Variants in VPS45 observed in about 807,000 individuals in gnomAD.
VPS45 encodes the protein vacuolar protein sorting-associated protein 45.
In VPS45, 35 loss-of-function variants were observed where a neutral mutation model predicts 75.9. That is an observed-to-expected ratio of 0.46 (90% CI 0.35 to 0.61). The LOEUF is 0.61. VPS45 is among the 20% of genes least tolerant of loss of function. VPS45 has a pLI of 0.00. For synonymous variants in VPS45, 220 were observed against 238.2 expected (o/e 0.92, Z 0.70); for missense variants, 559 against 685.9 (o/e 0.81, Z 2.07).
chr1:150,104,416 G>C (rs1348044645), intron 13 of VPS45, among the ~76,000 whole-genome samples: 1 of 151,982 alleles, frequency 6.6e-6, no homozygotes, highest in Non-Finnish European at 1.5e-5. Flanking sequence ...GTCCACTATT[G>C]GTGGATACTT....
chr1:150,117,547 G>A (rs1362384916), intron 14 of VPS45, among the ~76,000 whole-genome samples: 6 of 145,330 alleles, frequency 4.1e-5, no homozygotes, highest in Non-Finnish European at 6.1e-5. Context: ...AAATAAATAA[G>A]TAAAAATAAA....
chr1:150,126,822 C>T (rs1321462016), intron 14 of VPS45, among the ~76,000 whole-genome samples: 1 of 152,088 alleles, frequency 6.6e-6, no homozygotes, highest in African/African-American at 2.4e-5. Context: ...TAAAATTAGC[C>T]AGGCATCATG....
At position 150,067,817 on chromosome 1, in the gene VPS45, GGGGGC is replaced by G. The variant is rs2101472017; in HGVS notation, c.-37_-33del. 4 of 1,598,726 alleles carry G rather than the reference GGGGGC, an allele frequency of 2.5e-6. No individual in the cohort carries two copies. In the East Asian group the frequency reaches 8.9e-5, roughly 36 times the overall value. ...ACTGGGGGTTAATTTAGCCAGAAAA[GGGGGC>G]GGGAAGGGCTGTAGGGTACTTGTCA... On this transcript the variant is annotated 5_prime_UTR_variant, in exon 1 of 15. Transcript: ENST00000644510.
At chr1:150,136,487 G>A (rs928321548) in intron 14 of VPS45, among the ~76,000 whole-genome samples, 26 of 150,714 alleles carry the variant, frequency 1.7e-4, no homozygotes, top group African/African-American at 6.3e-4. Flanking sequence ...CTCAGGAGGT[G>A]GAGGTTGCAG....
Position 150,067,847 on chromosome 1 carries a change from A to G in VPS45, c.-11A>G, listed in dbSNP as rs1295284418. The G allele has an allele frequency of 8.1e-6, 13 of 1,613,946 alleles. No homozygotes were observed. The East Asian group carries it at 2.7e-4, about 33-fold the overall frequency. ...CGGGAAGGGCTGTAGGGTACTTGTC[A>G]ATTCGCCGCCATGAACGTGGTTTTT... On this transcript the variant is annotated 5_prime_UTR_variant, in exon 1 of 15. Transcript: ENST00000644510.
intron 13 of VPS45, among the ~76,000 whole-genome samples, chr1:150,102,789 G>A (rs1244646551): frequency 1.3e-5 from 2 of 152,152 alleles, no homozygotes; most frequent in African/African-American, 2.4e-5. Context: ...AATACTGCAT[G>A]TTCTCACTTA....
chr1:150,099,034 A>T (rs965318379), intron 13 of VPS45: 2 of 1,096,970 alleles, frequency 1.8e-6, no homozygotes, highest in African/African-American at 3.4e-5. Context: ...GTCCTTTTTC[A>T]TTGGCCTTTT....
At chr1:150,113,738 A>G (rs1306118258) in intron 14 of VPS45, among the ~76,000 whole-genome samples, 2 of 152,020 alleles carry the variant, frequency 1.3e-5, no homozygotes, top group Admixed American at 6.6e-5. Flanking sequence ...TCTACTAAAA[A>G]TACAAAAATT....
At chr1:150,078,576 A>G (rs1410863644) in intron 7 of VPS45, among the ~76,000 whole-genome samples, 2 of 151,860 alleles carry the variant, frequency 1.3e-5, no homozygotes, top group East Asian at 1.9e-4. Flanking sequence ...CCTGGCCAAC[A>G]TGGTGAAGCC....
At chr1:150,136,815 G>A (rs1442293458) in intron 14 of VPS45, among the ~76,000 whole-genome samples, 2 of 148,064 alleles carry the variant, frequency 1.4e-5, no homozygotes, top group Non-Finnish European at 3.0e-5. Context: ...GAGAAATAAT[G>A]AGAAGTTCTT....
chr1:150,140,533 A>G (rs1323286279), intron 14 of VPS45, among the ~76,000 whole-genome samples: 17 of 151,510 alleles, frequency 1.1e-4, no homozygotes, highest in African/African-American at 3.9e-4. Flanking sequence ...AATTAATTTT[A>G]TTTTCCTTCT....
chr1:150,134,588 G>A (rs1374551036), intron 14 of VPS45, among the ~76,000 whole-genome samples: 2 of 152,048 alleles, frequency 1.3e-5, no homozygotes, highest in East Asian at 3.8e-4. Context: ...AGAAGATTGT[G>A]TTTTTAGCAC....
chr1:150,107,370 A>G (rs1170736188), intron 13 of VPS45, among the ~76,000 whole-genome samples: 1 of 152,194 alleles, frequency 6.6e-6, no homozygotes, highest in Admixed American at 6.6e-5. Context: ...AAACAAAGTT[A>G]TGGACTCCCC....
chr1:150,070,778 C>T (rs1042269652), intron 2 of VPS45, among the ~76,000 whole-genome samples: 1 of 151,910 alleles, frequency 6.6e-6, no homozygotes, highest in African/African-American at 2.4e-5. Flanking sequence ...CACTGTAGTC[C>T]AGCCTGGCGA....
chr1:150,089,245 G>C (rs1656191653), intron 10 of VPS45, among the ~76,000 whole-genome samples: 1 of 152,168 alleles, frequency 6.6e-6, no homozygotes, highest in Non-Finnish European at 1.5e-5. Context: ...AGATCAGCCA[G>C]AAAAGGTGGT....
At chr1:150,124,449 A>G (rs1235308422) in intron 14 of VPS45, among the ~76,000 whole-genome samples, 1 of 150,258 alleles carries the variant, frequency 6.7e-6, no homozygotes, top group Admixed American at 6.7e-5. Context: ...AGAGACCAAG[A>G]CTCCGTCTTG....
chr1:150,123,781 T>G (rs1658359319), intron 14 of VPS45, among the ~76,000 whole-genome samples: 1 of 152,180 alleles, frequency 6.6e-6, no homozygotes, highest in South Asian at 2.1e-4. Flanking sequence ...GGATTCAGGA[T>G]AGAAGTAGAG....
chr1:150,136,141 A>G (rs1659080501), intron 14 of VPS45, among the ~76,000 whole-genome samples: 1 of 149,592 alleles, frequency 6.7e-6, no homozygotes. Context: ...CCCAGCTACT[A>G]GCAGGGCTGA....
intron 7 of VPS45, among the ~76,000 whole-genome samples, chr1:150,078,568 T>C (rs1553798618): frequency 6.6e-6 from 1 of 151,970 alleles, no homozygotes; most frequent in East Asian, 1.9e-4. Context: ...AAGACTAACC[T>C]GGCCAACATG....
Sources: allele counts gnomAD v4.1 joint callset (sites outside exome capture counted in the v4.1 genomes callset), GRCh38; gene constraint gnomAD v4.1.1; transcripts MANE v1.5; gene names NCBI Gene and HGNC (gene_info 2026-07-23, HGNC 2026-07-21).